The following SPAG16 variants were observed in gnomAD, a reference collection of about 807,000 sequenced individuals.
The protein encoded by SPAG16 is sperm-associated antigen 16 protein.
Under a neutral mutation model 80.4 loss-of-function variants are expected in SPAG16, and 86 were observed. The observed-to-expected ratio is 1.07, with a 90% confidence interval of 0.90 to 1.28. The LOEUF (loss-of-function observed/expected upper bound fraction) is 1.28. SPAG16 is among the 50% of genes most tolerant of loss of function. SPAG16 has a pLI of 0.00. For missense variants in SPAG16, 870 were observed against 765.3 expected (o/e 1.14, Z -1.61); for synonymous variants, 294 against 265.9 (o/e 1.11, Z -1.03).
At chr2:213,366,555 C>T (rs867114378) in intron 8 of SPAG16, among the ~76,000 whole-genome samples, 1 of 152,128 alleles carries the variant, frequency 6.6e-6, no homozygotes, top group Admixed American at 6.5e-5. Flanking sequence ...AGGAACTGCC[C>T]TTTATAAAAC....
chr2:213,578,176 T>C (rs2060190870), intron 10 of SPAG16, among the ~76,000 whole-genome samples: 1 of 152,148 alleles, frequency 6.6e-6, no homozygotes, highest in Admixed American at 6.6e-5. Flanking sequence ...CATTTTAATC[T>C]ATGTCTTAAT....
chr2:213,331,317 C>T (rs1197959247), intron 5 of SPAG16, among the ~76,000 whole-genome samples: 1 of 152,192 alleles, frequency 6.6e-6, no homozygotes, highest in African/African-American at 2.4e-5. Context: ...AGGGAAGAAC[C>T]TGATCTTGGC....
chr2:213,588,939 T>C (rs1384663080), intron 10 of SPAG16, among the ~76,000 whole-genome samples: 1 of 151,270 alleles, frequency 6.6e-6, no homozygotes, highest in Non-Finnish European at 1.5e-5. Flanking sequence ...GTAGAATTGC[T>C]GGTTTAGAAA....
chr2:214,059,251 T>C (rs557751224), intron 13 of SPAG16, among the ~76,000 whole-genome samples: 1,456 of 106,230 alleles, frequency 0.014, 26 homozygotes, highest in African/African-American at 0.048. Context: ...TGTATGTATA[T>C]ATATGTATGT....
intron 8 of SPAG16, among the ~76,000 whole-genome samples, chr2:213,371,768 T>G (rs768247088): frequency 6.6e-6 from 1 of 152,172 alleles, no homozygotes; most frequent in Non-Finnish European, 1.5e-5. Flanking sequence ...TGGAGCAAAG[T>G]TAGCAAAGTA....
intron 15 of SPAG16, among the ~76,000 whole-genome samples, chr2:214,268,202 T>C (rs1462892254): frequency 2.6e-5 from 4 of 151,780 alleles, no homozygotes; most frequent in African/African-American, 9.7e-5. Flanking sequence ...AAGGGAACCC[T>C]CATACACTGT....
At chr2:213,746,979 G>C (rs1218913186) in intron 10 of SPAG16, among the ~76,000 whole-genome samples, 2 of 152,038 alleles carry the variant, frequency 1.3e-5, no homozygotes, top group Non-Finnish European at 2.9e-5. Context: ...ATCAGTCTCA[G>C]GTCCTTTAAG....
intron 15 of SPAG16, among the ~76,000 whole-genome samples, chr2:214,398,544 A>T (rs1701527542): frequency 6.6e-6 from 1 of 152,220 alleles, no homozygotes; most frequent in Non-Finnish European, 1.5e-5. Context: ...CAAGTGGGCT[A>T]GCAGATGAAG....
At chr2:214,074,438 C>G (rs1350951697) in intron 13 of SPAG16, among the ~76,000 whole-genome samples, 1 of 151,842 alleles carries the variant, frequency 6.6e-6, no homozygotes, top group Non-Finnish European at 1.5e-5. Context: ...AAGTGAAGTG[C>G]AAAGCAATAA....
At chr2:213,756,266 A>G (rs1270943579) in intron 10 of SPAG16, among the ~76,000 whole-genome samples, 2 of 152,210 alleles carry the variant, frequency 1.3e-5, no homozygotes, top group East Asian at 3.8e-4. Flanking sequence ...GGATCACCTG[A>G]GGTCAGGAGT....
chr2:213,974,182 A>C (rs1485275425), intron 12 of SPAG16, among the ~76,000 whole-genome samples: 1 of 152,134 alleles, frequency 6.6e-6, no homozygotes, highest in African/African-American at 2.4e-5. Context: ...GATCATAATT[A>C]GTTCTGTCTC....
At chr2:213,742,165 C>T in intron 10 of SPAG16, among the ~76,000 whole-genome samples, 3 of 150,100 alleles carry the variant, frequency 2.0e-5, no homozygotes, top group African/African-American at 4.9e-5. Context: ...TTCTTGGTTT[C>T]CTTTTTATTA....
At chr2:214,288,492 A>AG (rs2125925755) in intron 15 of SPAG16, among the ~76,000 whole-genome samples, 1 of 152,150 alleles carries the variant, frequency 6.6e-6, no homozygotes, top group East Asian at 1.9e-4. Flanking sequence ...TGATTTTTTG[A>AG]GAAATCTCCA....
intron 11 of SPAG16, among the ~76,000 whole-genome samples, chr2:213,891,004 C>A (rs931418779): frequency 6.6e-6 from 1 of 151,884 alleles, no homozygotes; most frequent in Non-Finnish European, 1.5e-5. Flanking sequence ...ATCATGTTTT[C>A]TTTGAAGACT....
At chr2:213,622,362 A>G (rs1201411586) in intron 10 of SPAG16, among the ~76,000 whole-genome samples, 1 of 152,208 alleles carries the variant, frequency 6.6e-6, no homozygotes, top group Non-Finnish European at 1.5e-5. Context: ...CCCCTCATTC[A>G]TCATGATTAC....
At chr2:213,972,516 T>C (rs1442886102) in intron 12 of SPAG16, among the ~76,000 whole-genome samples, 1 of 152,144 alleles carries the variant, frequency 6.6e-6, no homozygotes, top group Non-Finnish European at 1.5e-5. Context: ...TCAGCCTTTC[T>C]CATTTTTGCT....
chr2:214,178,040 AAGT>A (rs2125659298), intron 15 of SPAG16, among the ~76,000 whole-genome samples: 2 of 139,794 alleles, frequency 1.4e-5, no homozygotes, highest in Non-Finnish European at 3.1e-5. Context: ...ATATAAACTC[AAGT>A]AGATATATTT....
chr2:213,611,681 G>A (rs2061443884), intron 10 of SPAG16, among the ~76,000 whole-genome samples: 1 of 151,998 alleles, frequency 6.6e-6, no homozygotes, highest in African/African-American at 2.4e-5. Flanking sequence ...TTTTCCACTA[G>A]GAAACATATT....
At chr2:213,943,304 G>T (rs1239497449) in intron 12 of SPAG16, among the ~76,000 whole-genome samples, 3 of 152,174 alleles carry the variant, frequency 2.0e-5, no homozygotes, top group African/African-American at 4.8e-5. Flanking sequence ...CATGCTAAAA[G>T]AATATAATAC....
Sources: gnomAD v4.1 joint callset for allele counts (sites outside exome capture counted in the v4.1 genomes callset) on GRCh38, gnomAD v4.1.1 for gene constraint, MANE v1.5 for transcripts, NCBI Gene and HGNC (gene_info 2026-07-23, HGNC 2026-07-21) for gene names.